Variants in DAO observed in about 807,000 individuals in gnomAD.
The protein encoded by DAO is D-amino acid oxidase.
In DAO, 51 loss-of-function variants were observed where a neutral mutation model predicts 50.1. The ratio of observed to expected loss-of-function variants is 1.02; its 90% CI spans 0.81 to 1.29. DAO has a LOEUF of 1.29. Among genes scored for constraint, DAO ranks in the 50% most tolerant of loss-of-function variants. DAO has a pLI of 0.00. For missense variants in DAO, 436 were observed against 439.4 expected (o/e 0.99, Z 0.07); for synonymous variants, 160 against 166.2 (o/e 0.96, Z 0.29).
At chr12:108,898,608 A>G in intron 8 of DAO, 71 bp from the exon 9 acceptor site, 2 of 1,022,912 alleles carry the variant, frequency 2.0e-6, no homozygotes, top group South Asian at 2.5e-5. Context: ...GACAAGGTTG[A>G]TGGTAATGAC....
intron 3 of DAO, among the ~76,000 whole-genome samples, chr12:108,889,163 C>T (rs757281129): frequency 2.0e-5 from 3 of 151,094 alleles, no homozygotes; most frequent in Admixed American, 6.6e-5. Context: ...TGGAGTGCAG[C>T]GGCACAATTT....
chr12:108,899,302 C>T, intron 9 of DAO, 75 bp from the exon 10 acceptor site: 1 of 1,022,772 alleles, frequency 9.8e-7, no homozygotes, highest in Non-Finnish European at 1.5e-6. Flanking sequence ...ATTCTAAAAG[C>T]TAACTCCCTA....
chr12:108,899,781 C>G, intron 10 of DAO: 1 of 443,896 alleles, frequency 2.3e-6, no homozygotes, highest in Non-Finnish European at 4.2e-6. Context: ...ATGACACTAT[C>G]AAGTATGTTA....
intron 5 of DAO, among the ~76,000 whole-genome samples, chr12:108,892,238 C>T (rs987656367): frequency 5.5e-5 from 8 of 146,028 alleles, no homozygotes; most frequent in Non-Finnish European, 1.2e-4. Flanking sequence ...TCTCGGCTCA[C>T]TGCAAGCTCC....
At chr12:108,898,596 G>A in intron 8 of DAO, 83 bp from the exon 9 acceptor site, 1 of 919,362 alleles carries the variant, frequency 1.1e-6, no homozygotes, top group Non-Finnish European at 1.8e-6. Context: ...GTTAGCAGAG[G>A]TGACAAGGTT....
chr12:108,900,387 T>C lies in DAO; in HGVS notation c.913-17T>C, dbSNP rs1412259518. 4.3e-6 allele frequency: 7 copies of C among 1,613,528 alleles called. No individual in the cohort carries two copies. The South Asian group carries it at 6.6e-5, about 15-fold the overall frequency. Reference sequence around the variant, plus strand: ...GTCCCTCTCGGACCTGGCCACCTTCTCTCTTGCCTCTCCTAGGTCATCCAC... The same window carrying C: ...GTCCCTCTCGGACCTGGCCACCTTCCCTCTTGCCTCTCCTAGGTCATCCAC... On this transcript the variant is annotated splice_polypyrimidine_tract_variant and intron_variant, in intron 10 of 10. Transcript: ENST00000228476.
chr12:108,892,159 C>CTTTTTT (rs11356161), intron 5 of DAO, among the ~76,000 whole-genome samples: 14 of 108,986 alleles, frequency 1.3e-4, no homozygotes, highest in Non-Finnish European at 2.0e-4. Flanking sequence ...TTTCTTTCTT[C>CTTTTTT]TTTTTTTTTT....
chr12:108,884,267 T>C (rs1173665016), intron 1 of DAO, among the ~76,000 whole-genome samples: 1 of 152,226 alleles, frequency 6.6e-6, no homozygotes, highest in East Asian at 1.9e-4. Context: ...TTTACTCAAA[T>C]TGAAATTAAG....
At chr12:108,893,713 G>A (rs968237311) in intron 6 of DAO, among the ~76,000 whole-genome samples, 7 of 152,116 alleles carry the variant, frequency 4.6e-5, no homozygotes, top group African/African-American at 9.7e-5. Flanking sequence ...TAACTTACTC[G>A]TGGTGAGAGT....
intron 4 of DAO, 67 bp downstream of exon 4, chr12:108,889,612 G>A (rs2137349174): frequency 1.6e-6 from 2 of 1,275,026 alleles, no homozygotes; most frequent in Non-Finnish European, 1.1e-6. Context: ...CCAGAAGGCA[G>A]CAGAGGGTAG....
At chr12:108,899,498 G>A in intron 10 of DAO, 23 bp downstream of exon 10, 1 of 1,591,328 alleles carries the variant, frequency 6.3e-7, no homozygotes, top group East Asian at 2.3e-5. Context: ...GGCAAGGAAA[G>A]TAATGCCCTC....
rs1460096055 is a variant in DAO at position 108,890,190 on chromosome 12, T to G, written c.387-18T>G. 10 of 1,606,072 alleles carry G rather than the reference T, an allele frequency of 6.2e-6. No individual in the cohort carries two copies. In the South Asian group the frequency reaches 1.1e-4, roughly 18 times the overall value. ...GATTTTTACCTTTATTTCCACCTTT[T>G]GCTTACTGTGACTCTAGCTATGGCT... On this transcript the variant is annotated intron_variant, in intron 4 of 10. Coordinates refer to ENST00000228476, the MANE Select transcript of DAO (RefSeq NM_001917.5).
At chr12:108,899,900 T>C in intron 10 of DAO, 1 of 312,640 alleles carries the variant, frequency 3.2e-6, no homozygotes, top group Non-Finnish European at 6.2e-6. Context: ...AATGGCAGTG[T>C]TAATGATGGT....
Position 108,889,442 on chromosome 12 carries a change from A to G in DAO, c.310-27A>G, listed in dbSNP as rs777343886. ...ATTATTATTGACTTCCATCCCACCCAGTGCCCCCTTTGTCCTTCCTCTTCA... is the reference window on the plus strand; with the variant it reads ...ATTATTATTGACTTCCATCCCACCCGGTGCCCCCTTTGTCCTTCCTCTTCA... On this transcript the variant is annotated intron_variant, in intron 3 of 10. Transcript: ENST00000228476. 5 of 1,551,754 alleles carry G rather than the reference A, an allele frequency of 3.2e-6. No homozygotes were observed. The Admixed American group carries it at 8.4e-5, about 26-fold the overall frequency.
intron 7 of DAO, among the ~76,000 whole-genome samples, chr12:108,896,276 A>G (rs2039553792): frequency 6.6e-6 from 1 of 151,642 alleles, no homozygotes; most frequent in South Asian, 2.1e-4. Context: ...ACAAAAAATT[A>G]GCTGGGTGTG....
chr12:108,883,993 T>C (rs559924072), intron 1 of DAO, among the ~76,000 whole-genome samples: 13 of 152,262 alleles, frequency 8.5e-5, no homozygotes, highest in Admixed American at 3.3e-4. Flanking sequence ...TTGGCTCTTC[T>C]GGGCACAAAT....
chr12:108,900,710 C>A lies in DAO; in HGVS notation c.*175C>A. On this transcript the variant is annotated 3_prime_UTR_variant, in exon 11 of 11. Coordinates refer to ENST00000228476, the MANE Select transcript of DAO (RefSeq NM_001917.5). ...GAGAAGGGTTCAGCCCAACATGGGG[C>A]CCCTCTCATCACTGAAATCCCTCTA... 2 of 756,526 alleles carry A rather than the reference C, an allele frequency of 2.6e-6. No homozygotes were observed. Among genetic ancestry groups the A allele is most frequent in the Non-Finnish European group, 4.1e-6 (2 of 482,488 alleles). 46.9% of individuals were successfully genotyped at this position (756,526 alleles called of 1,614,324 possible). A position where few individuals can be genotyped will look rare whatever the true frequency, so the allele number is the denominator to read the frequency against.
chr12:108,900,726 A>T lies in DAO; in HGVS notation c.*191A>T, dbSNP rs2039613851. The T allele has an allele frequency of 3.3e-6, 2 of 602,448 alleles. No individual in the cohort carries two copies. 37.3% of individuals were successfully genotyped at this position (602,448 alleles called of 1,614,324 possible). ...AACATGGGGCCCCTCTCATCACTGA[A>T]ATCCCTCTACCTTCTCTGGGTCTGG... On this transcript the variant is annotated 3_prime_UTR_variant, in exon 11 of 11. Transcript: ENST00000228476.
intron 2 of DAO, among the ~76,000 whole-genome samples, chr12:108,886,884 C>T (rs1237070604): frequency 6.6e-6 from 1 of 152,196 alleles, no homozygotes; most frequent in Non-Finnish European, 1.5e-5. Context: ...TTTGAGGTCA[C>T]CTCAATGTCA....
Sources: gnomAD v4.1 joint callset for allele counts (sites outside exome capture counted in the v4.1 genomes callset) on GRCh38, gnomAD v4.1.1 for gene constraint, MANE v1.5 for transcripts, NCBI Gene and HGNC (gene_info 2026-07-23, HGNC 2026-07-21) for gene names.